The following ABCA3 variants were observed in gnomAD, a reference collection of about 807,000 sequenced individuals.
ABCA3 encodes the protein ATP binding cassette subfamily A member 3, also known as phospholipid-transporting ATPase ABCA3.
ABCA3 carries 88 observed loss-of-function variants against 172.8 expected under a neutral mutation model. That is an observed-to-expected ratio of 0.51 (90% CI 0.43 to 0.61). ABCA3 has a LOEUF of 0.61. Ranked by LOEUF, ABCA3 falls within the 20% of genes least tolerant of loss-of-function variation. ABCA3 has a pLI of 0.00. For missense variants in ABCA3, 2,164 were observed against 2,301.0 expected, an observed-to-expected ratio of 0.94 and a Z score of 1.22; for synonymous variants, 1,066 against 983.8, an observed-to-expected ratio of 1.08 and a Z score of -1.56.
chr16:2,324,559 G>A, intron 5 of ABCA3, 28 bp from the exon 6 acceptor site: 1 of 1,606,606 alleles, frequency 6.2e-7, no homozygotes, highest in Non-Finnish European at 8.5e-7. Context: ...GGGAGCTGTG[G>A]TTGCCCAATC....
intron 1 of ABCA3, chr16:2,332,819 T>C (rs1414867765): frequency 3.3e-6 from 2 of 599,254 alleles, no homozygotes; most frequent in South Asian, 2.0e-5. Flanking sequence ...ATGTGCCCTT[T>C]TTTTTTTTAC....
In ABCA3 at chr16:2,276,874, C is replaced by A. The variant is rs755856598; in HGVS notation, c.4984-69G>T. ...AGGCTCCTCTGCGGGACCTGGGAGT[C>A]CTCTGGCAATAGGGGCTGATGAGGC... On this transcript the variant is annotated intron_variant, in intron 32 of 32. Coordinates refer to ENST00000301732, the MANE Select transcript of ABCA3 (RefSeq NM_001089.3). The A allele has an allele frequency of 1.7e-4, 272 of 1,596,930 alleles. 1 individual carries two copies. Among genetic ancestry groups the A allele is most frequent in the Non-Finnish European group, 2.3e-4 (266 of 1,169,314 alleles).
chr16:2,277,663 G>A lies in ABCA3; in HGVS notation c.4917C>T (p.Val1639=). 4 of 1,613,202 alleles carry A rather than the reference G, an allele frequency of 2.5e-6. No homozygotes were observed. The highest frequency in any genetic ancestry group is 1.6e-4 in the Middle Eastern group (1 of 6,062). The change falls in exon 32 of 33, where the codon GTC becomes GTT. Residue 1639 remains valine, a synonymous_variant. Coordinates refer to ENST00000301732, the MANE Select transcript of ABCA3 (RefSeq NM_001089.3). The surrounding 1 kb of genome is among the most constrained non-coding windows in gnomAD (Gnocchi z 5.3). ...AFVDLTFPGS[V]LEDEHQGMVH... ...CCATGCCTTGGTGCTCATCTTCCAG[G>A]ACGCTGCCTGCACAAAGGAGAGACG... is the stretch of plus-strand genomic sequence containing the variant.
intron 11 of ABCA3, among the ~76,000 whole-genome samples, chr16:2,306,879 G>A (rs1193178056): frequency 6.6e-6 from 1 of 151,894 alleles, no homozygotes; most frequent in Non-Finnish European, 1.5e-5. Flanking sequence ...GCTGGGCACG[G>A]TGGCGGGCGC....
chr16:2,282,554 C>T (rs147668564), intron 26 of ABCA3, among the ~76,000 whole-genome samples: 16 of 152,344 alleles, frequency 1.1e-4, no homozygotes, highest in Admixed American at 3.3e-4. Context: ...AGAAAATGAA[C>T]GTTTTCAATA....
At position 2,285,434 on chromosome 16, in the gene ABCA3, G is replaced by C. The variant is rs1471406725; in HGVS notation, c.3483+8C>G. 1 of 1,603,942 alleles carries C rather than the reference G, an allele frequency of 6.2e-7. No individual in the cohort carries two copies. The highest frequency in any genetic ancestry group is 1.3e-5 in the African/African-American group (1 of 74,924). On this transcript the variant is annotated splice_region_variant and intron_variant, in intron 23 of 32. Coordinates refer to ENST00000301732, the MANE Select transcript of ABCA3 (RefSeq NM_001089.3). The surrounding 1 kb of genome is among the most constrained non-coding windows in gnomAD (Gnocchi z 4.7). The stretch of plus-strand genomic sequence containing the variant: ...AGGGGAACGGATCCAGCACCCTCCG[G>C]CGCTCACCAGCAGCAGCAGACTGGG...
At position 2,321,176 on chromosome 16, in the gene ABCA3, G is replaced by A. The variant is rs527986025; in HGVS notation, c.614-1336C>T. Among the ~76,000 whole-genome samples, 3 of 152,270 alleles carry A rather than the reference G, an allele frequency of 2.0e-5. No individual in the cohort carries two copies. In the South Asian group the frequency reaches 6.2e-4, roughly 32 times the overall value. On this transcript the variant is annotated intron_variant, in intron 7 of 32. Transcript: ENST00000301732. ...GCCTGGGCCCCAGTCTCAGCAGCCA[G>A]TGTCCCCTCCTGCAGTCCCCTGCTG...
At chr16:2,307,553 T>C (rs2093699754) in intron 11 of ABCA3, among the ~76,000 whole-genome samples, 1 of 151,128 alleles carries the variant, frequency 6.6e-6, no homozygotes. Context: ...GACTCTTGTC[T>C]CAAAAAAAAA....
rs1317270511 is a variant in ABCA3, at chr16:2,287,666, T to C, written c.3004+360A>G. Among the ~76,000 whole-genome samples, 3 of 152,216 alleles carry C rather than the reference T, an allele frequency of 2.0e-5. No individual in the cohort carries two copies. The highest frequency in any genetic ancestry group is 7.2e-5 in the African/African-American group (3 of 41,452). On this transcript the variant is annotated intron_variant, in intron 21 of 32. Transcript: ENST00000301732. The surrounding 1 kb of genome is among the most constrained non-coding windows in gnomAD (Gnocchi z 4.1). ...AGCATCATCACAAAGCAAAGGTAAC[T>C]TGAAGTCACTATGCTTCTGCATTTT...
chr16:2,334,950 A>G (rs1433611406), intron 1 of ABCA3, among the ~76,000 whole-genome samples: 1 of 148,318 alleles, frequency 6.7e-6, no homozygotes, highest in Non-Finnish European at 1.5e-5. Flanking sequence ...TGCCTCAGCG[A>G]CCTGAGTGGC....
rs549265966 is a variant in ABCA3 at position 2,306,193 on chromosome 16, G to T, written c.1286-2043C>A. ...ACAGACAAATTAGCCAGGTGTGGTG[G>T]CACGTGCCTGTAGTCCAGCTACTCA... On this transcript the variant is annotated intron_variant, in intron 11 of 32. Coordinates refer to ENST00000301732, the MANE Select transcript of ABCA3 (RefSeq NM_001089.3). 7.2e-5 allele frequency among the ~76,000 whole-genome samples: 11 copies of T among 152,180 alleles called. No homozygotes were observed. The South Asian group carries it at 8.3e-4, about 11-fold the overall frequency.
chr16:2,296,515 G>A (rs976420995), intron 17 of ABCA3, among the ~76,000 whole-genome samples: 2 of 152,164 alleles, frequency 1.3e-5, no homozygotes, highest in Admixed American at 6.5e-5. Flanking sequence ...GATTATAGGC[G>A]GTGAGCCACC....
Position 2,278,428 on chromosome 16 carries a change from G to A in ABCA3, c.4578C>T (p.Gly1526=). 6.2e-7 allele frequency: 1 copy of A among 1,612,806 alleles called. No individual in the cohort carries two copies. Among genetic ancestry groups the A allele is most frequent in the Non-Finnish European group, 8.5e-7 (1 of 1,180,022 alleles). Residue 1526 remains glycine, a synonymous_variant, in exon 30 of 33, where the codon GGC becomes GGT. Coordinates refer to ENST00000301732, the MANE Select transcript of ABCA3 (RefSeq NM_001089.3). The surrounding 1 kb of genome is among the most constrained non-coding windows in gnomAD (Gnocchi z 4.4). The stretch of plus-strand genomic sequence containing the variant: ...CAGCAGGCTCTCCGATCAGGGCGAT[G>A]CCGGTGCTCAGCTTCCGCTTGTTAC... ...SGGNKRKLST[G]IALIGEPAVI...
intron 2 of ABCA3, among the ~76,000 whole-genome samples, chr16:2,329,369 T>C (rs572634443): frequency 5.3e-5 from 8 of 152,096 alleles, no homozygotes; most frequent in Non-Finnish European, 1.2e-4. Flanking sequence ...GTGCCTCCAT[T>C]TGGGGCCATC....
rs761164469 is a variant in ABCA3 at position 2,284,487 on chromosome 16, A to G, written c.3704-50T>C. On this transcript the variant is annotated intron_variant, in intron 24 of 32. Coordinates refer to ENST00000301732, the MANE Select transcript of ABCA3 (RefSeq NM_001089.3). This position sits in a 1 kb window ranked among gnomAD's most constrained non-coding sequence, Gnocchi z 5.9. ...CTGCGCTGGAGGGCACACCACACCC[A>G]CCTCCAGGACGGGCCTGGTCAGGGC... is the stretch of plus-strand genomic sequence containing the variant. 5.0e-6 allele frequency: 8 copies of G among 1,607,402 alleles called. No individual in the cohort carries two copies. In the East Asian group the frequency reaches 6.7e-5, roughly 13 times the overall value.
chr16:2,324,259 AC>A, intron 6 of ABCA3, 144 bp downstream of exon 6: 1 of 1,232,880 alleles, frequency 8.1e-7, no homozygotes, highest in Non-Finnish European at 1.1e-6. Context: ...ATATTATCAG[AC>A]CCAAAGGAGT....
rs1567345733 is a variant in ABCA3 at position 2,304,050 on chromosome 16, G to A, written c.1386C>T (p.Leu462=). 6.2e-7 allele frequency: 1 copy of A among 1,614,204 alleles called. No homozygotes were observed. Among genetic ancestry groups the A allele is most frequent in the East Asian group, 2.2e-5 (1 of 44,880 alleles). The part of the protein sequence containing the change: ...VLGMLLLDSV[L]YGLVTWYMEA... ...CCATGTACCAGGTCACCAGGCCATA[G>A]AGCACAGAGTCCAGCAGCAGCATCC... The change falls in exon 12 of 33, where the codon CTC becomes CTT. Residue 462 remains leucine, a synonymous_variant. Coordinates refer to ENST00000301732, the MANE Select transcript of ABCA3 (RefSeq NM_001089.3).
rs1015702896 is a variant in ABCA3 at position 2,324,264 on chromosome 16, A to G, written c.447+140T>C. The G allele has an allele frequency of 1.2e-5, 15 of 1,269,936 alleles. No homozygotes were observed. In the Admixed American group the frequency reaches 2.4e-4, roughly 20 times the overall value. The allele number at this position is 1,269,936 out of a possible 1,614,324, so 78.7% of individuals were successfully genotyped here. ...GACTGTGATGATATTATCAGACCCA[A>G]AGGAGTGACTGCTATTGACTTGCAG... On this transcript the variant is annotated intron_variant, in intron 6 of 32. Transcript: ENST00000301732.
chr16:2,325,985 C>A (rs1479430868), intron 5 of ABCA3, 25 bp downstream of exon 5: 1 of 1,612,010 alleles, frequency 6.2e-7, no homozygotes, highest in Non-Finnish European at 8.5e-7. Flanking sequence ...CTAGGCCTGG[C>A]ACCGAGAGCC....
Sources: gnomAD v4.1 joint callset for allele counts (sites outside exome capture counted in the v4.1 genomes callset) on GRCh38, gnomAD v4.1.1 for gene constraint, Gnocchi (gnomAD v3.1) non-coding constraint, MANE v1.5 for transcripts, NCBI Gene and HGNC (gene_info 2026-07-23, HGNC 2026-07-21) for gene names.